ANGPTL5: variants seen among roughly 807,000 people sequenced by gnomAD.
ANGPTL5 encodes angiopoietin like 5.
A neutral mutation model predicts 39.4 loss-of-function variants in ANGPTL5; 34 were observed. The ratio of observed to expected loss-of-function variants is 0.86; its 90% CI spans 0.66 to 1.15. ANGPTL5 has a LOEUF of 1.15. ANGPTL5 is among the 50% of genes most tolerant of loss of function. The pLI is 0.00. For synonymous variants in ANGPTL5, 146 were observed against 152.1 expected, an observed-to-expected ratio of 0.96 and a Z score of 0.29; for missense variants, 467 against 457.5, an observed-to-expected ratio of 1.02 and a Z score of -0.19.
chr11:101,893,442 C>T (rs1441580154), intron 8 of ANGPTL5, among the ~76,000 whole-genome samples: 1 of 152,234 alleles, frequency 6.6e-6, no homozygotes, highest in Non-Finnish European at 1.5e-5. Context: ...TCTATCATTA[C>T]ATTCTGCTGA....
In ANGPTL5 at chr11:101,907,823, A is replaced by T; in HGVS notation, c.87T>A (p.His29Gln). ...TTGCTAAAATTCTTACCGTAGAATG[A>T]TGTACACAGTTACCTTGTACAGCTT... ...CGEAVQGNCV[H>Q]HSTDSSVVNI... The change falls in exon 2 of 9, where the codon CAT (histidine) becomes CAA (glutamine). Residue 29 changes from histidine to glutamine, a missense_variant. His to Gln is a conservative substitution (Grantham distance 24). Transcript: ENST00000334289. 3 of 1,591,242 alleles carry T rather than the reference A, an allele frequency of 1.9e-6. No homozygotes were observed. The highest frequency in any genetic ancestry group is 1.7e-6 in the Non-Finnish European group (2 of 1,159,476).
intron 1 of ANGPTL5, among the ~76,000 whole-genome samples, chr11:101,908,993 C>T (rs1212462735): frequency 6.6e-6 from 1 of 152,050 alleles, no homozygotes; most frequent in Non-Finnish European, 1.5e-5. Flanking sequence ...ACACACATGC[C>T]TAAGTCTTCA....
At position 101,900,529 on chromosome 11, in the gene ANGPTL5, T is replaced by C. The variant is rs1939875340; in HGVS notation, c.562A>G (p.Arg188Gly). The change falls in exon 7 of 9, where the codon AGA (arginine) becomes GGA (glycine). Residue 188 changes from arginine (R) to glycine (G), a missense_variant. Arg to Gly is a moderately radical substitution (Grantham distance 125). Transcript: ENST00000334289. ...TGTATCACAGTCCGTCCACCTCCTC[T>C]GTAATCCATGTCACACATTACCTAA... ...PFEVMCDMDYRGGGRTVIQKR... is the reference protein window; with the variant it reads ...PFEVMCDMDYGGGGRTVIQKR... The C allele has an allele frequency of 6.2e-7, 1 of 1,611,236 alleles. No homozygotes were observed. The highest frequency in any genetic ancestry group is 8.5e-7 in the Non-Finnish European group (1 of 1,177,584).
intron 1 of ANGPTL5, chr11:101,915,329 G>A: frequency 6.2e-7 from 1 of 1,613,982 alleles, no homozygotes; most frequent in Non-Finnish European, 8.5e-7. Context: ...TCGGGGAACT[G>A]GGCACTGAAT....
intron 1 of ANGPTL5, among the ~76,000 whole-genome samples, chr11:101,910,410 CAAAAAAAA>C (rs200542892): frequency 8.3e-6 from 1 of 120,978 alleles, no homozygotes; most frequent in Admixed American, 8.3e-5. Context: ...AACTCCGTCT[CAAAAAAAA>C]AAAAAAATAT....
chr11:101,909,633 G>A (rs373989366), intron 1 of ANGPTL5, among the ~76,000 whole-genome samples: 67 of 152,106 alleles, frequency 4.4e-4, no homozygotes, highest in African/African-American at 1.5e-3. Context: ...TTCACATCTT[G>A]CCCAGAGACC....
chr11:101,898,645 T>C (rs1169392651), intron 7 of ANGPTL5, among the ~76,000 whole-genome samples: 2 of 152,208 alleles, frequency 1.3e-5, no homozygotes, highest in Admixed American at 6.5e-5. Flanking sequence ...TTTATTTCTC[T>C]TGCCTGATTG....
chr11:101,907,312 A>G (rs913904561), intron 2 of ANGPTL5, 65 bp from the exon 3 acceptor site: 232 of 1,026,242 alleles, frequency 2.3e-4, no homozygotes, highest in Non-Finnish European at 3.0e-4. Flanking sequence ...CTAATACATA[A>G]TAAAAAAGAC....
At chr11:101,909,028 C>A (rs191662013) in intron 1 of ANGPTL5, among the ~76,000 whole-genome samples, 8 of 152,206 alleles carry the variant, frequency 5.3e-5, no homozygotes, top group African/African-American at 1.9e-4. Flanking sequence ...AGAGGCAAAG[C>A]AAAACTTTCC....
At chr11:101,897,067 A>G (rs1939810726) in intron 7 of ANGPTL5, among the ~76,000 whole-genome samples, 2 of 152,198 alleles carry the variant, frequency 1.3e-5, no homozygotes, top group African/African-American at 4.8e-5. Flanking sequence ...GTGAGATGGT[A>G]TCTCCTTGTG....
chr11:101,901,686 C>G (rs761012188), intron 6 of ANGPTL5, among the ~76,000 whole-genome samples: 6 of 152,118 alleles, frequency 3.9e-5, no homozygotes, highest in Non-Finnish European at 8.8e-5. Flanking sequence ...CTGTTCAGAT[C>G]CAGTTTTGAA....
At chr11:101,902,819 C>T (rs1939928850) in intron 5 of ANGPTL5, 98 bp from the exon 6 acceptor site, 2 of 704,972 alleles carry the variant, frequency 2.8e-6, no homozygotes, top group South Asian at 3.9e-5. Context: ...TCATAATTTT[C>T]ATTATTATAT....
rs1309243734 is a variant in ANGPTL5 at position 101,902,696 on chromosome 11, A to T, written c.465T>A (p.Asp155Glu). The T allele has an allele frequency of 6.2e-7, 1 of 1,610,910 alleles. No homozygotes were observed. ...SHGLDCTDIK[D>E]TIGSVTKTPS... ...GTGTTTTGGTGACAGAGCCAATGGT[A>T]TCCTTAATATCAGTGCAATCTAAAC... The change falls in exon 6 of 9, where the codon GAT (aspartate) becomes GAA (glutamate). Residue 155 changes from aspartate to glutamate, a missense_variant. Coordinates refer to ENST00000334289, the MANE Select transcript of ANGPTL5 (RefSeq NM_178127.5).
At chr11:101,900,331 G>A (rs748345821) in intron 7 of ANGPTL5, 99 bp downstream of exon 7, 115 of 1,211,866 alleles carry the variant, frequency 9.5e-5, no homozygotes, top group Non-Finnish European at 1.3e-4. Context: ...ATATTTGCAA[G>A]CATTTGCTAT....
chr11:101,900,608 T>C, intron 6 of ANGPTL5, 58 bp from the exon 7 acceptor site: 2 of 1,560,128 alleles, frequency 1.3e-6, no homozygotes, highest in South Asian at 2.2e-5. Context: ...TATTTGATAA[T>C]ATAACACTCA....
chr11:101,906,472 T>A (rs1939999023), intron 3 of ANGPTL5, among the ~76,000 whole-genome samples: 2 of 152,188 alleles, frequency 1.3e-5, no homozygotes, highest in African/African-American at 2.4e-5. Flanking sequence ...TTTTTCCTAA[T>A]GCCTTTGAGA....
chr11:101,905,585 C>T (rs1302708124), intron 4 of ANGPTL5, among the ~76,000 whole-genome samples, 159 bp downstream of exon 4: 2 of 152,136 alleles, frequency 1.3e-5, no homozygotes, highest in Admixed American at 6.6e-5. Context: ...GATTTTTTTA[C>T]TGCTTTTTGT....
intron 8 of ANGPTL5, among the ~76,000 whole-genome samples, chr11:101,894,343 C>A (rs1939755287): frequency 6.6e-6 from 1 of 152,154 alleles, no homozygotes; most frequent in Non-Finnish European, 1.5e-5. Flanking sequence ...AGTTTAACAT[C>A]AAGTATTTTG....
At chr11:101,907,666 A>C (rs1940021653) in intron 2 of ANGPTL5, 148 bp downstream of exon 2, 1 of 616,406 alleles carries the variant, frequency 1.6e-6, no homozygotes, top group Non-Finnish European at 2.8e-6. Flanking sequence ...CAGTAATATT[A>C]AAGCAATTTT....
Sources: gnomAD v4.1 joint callset for allele counts (sites outside exome capture counted in the v4.1 genomes callset) on GRCh38, gnomAD v4.1.1 for gene constraint, MANE v1.5 for transcripts, NCBI Gene and HGNC (gene_info 2026-07-23, HGNC 2026-07-21) for gene names.